TNS4: variants seen among roughly 807,000 people sequenced by gnomAD.
TNS4 encodes tensin 4.
In TNS4, 46 loss-of-function variants were observed where a neutral mutation model predicts 70.4. That is an observed-to-expected ratio of 0.65 (90% CI 0.52 to 0.84). The LOEUF (loss-of-function observed/expected upper bound fraction) is 0.84, where lower values mean the gene tolerates loss of function less well. Among genes scored for constraint, TNS4 ranks in the 40% least tolerant of loss-of-function variants. The pLI, the probability that TNS4 is intolerant of heterozygous loss-of-function variation, is 0.00. For missense variants in TNS4, 863 were observed against 907.0 expected, an observed-to-expected ratio of 0.95 and a Z score of 0.62; for synonymous variants, 390 against 366.6, an observed-to-expected ratio of 1.06 and a Z score of -0.73.
chr17:40,493,855 T>C (rs752315304), intron 2 of TNS4, among the ~76,000 whole-genome samples: 81 of 152,368 alleles, frequency 5.3e-4, no homozygotes, highest in Non-Finnish European at 1.1e-3. Flanking sequence ...GGGACTGGTT[T>C]TGCCCCAGCT....
intron 6 of TNS4, among the ~76,000 whole-genome samples, chr17:40,484,060 G>A (rs991811834): frequency 2.6e-5 from 4 of 152,200 alleles, no homozygotes; most frequent in South Asian, 2.1e-4. Flanking sequence ...AAGCATATAA[G>A]CTATCACACA....
chr17:40,481,625 C>G (rs574324464), intron 8 of TNS4, among the ~76,000 whole-genome samples: 1 of 152,208 alleles, frequency 6.6e-6, no homozygotes, highest in South Asian at 2.1e-4. Flanking sequence ...CTTGGCCTCC[C>G]GAAGTGCTGG....
intron 1 of TNS4, among the ~76,000 whole-genome samples, chr17:40,497,268 G>A (rs747523894): frequency 6.6e-6 from 1 of 152,172 alleles, no homozygotes. Context: ...AGGTAGCTGC[G>A]CAAGTTGAGT....
chr17:40,480,330 G>C (rs962879030), intron 9 of TNS4, among the ~76,000 whole-genome samples: 4 of 152,140 alleles, frequency 2.6e-5, no homozygotes, highest in Non-Finnish European at 5.9e-5. Flanking sequence ...CCTGGTGAAG[G>C]CTCCAGGACT....
intron 3 of TNS4, 81 bp downstream of exon 3, chr17:40,488,465 G>A: frequency 7.4e-7 from 1 of 1,350,216 alleles, no homozygotes; most frequent in African/African-American, 1.5e-5. Context: ...ACAGAGCAGG[G>A]TCCCTTTCAG....
chr17:40,486,532 ATTT>A (rs78348746), intron 4 of TNS4, among the ~76,000 whole-genome samples: 18 of 132,032 alleles, frequency 1.4e-4, no homozygotes, highest in South Asian at 5.1e-4. Context: ...GGCAAATTCC[ATTT>A]TTTTTTTTTT....
In TNS4 at chr17:40,480,741, TC is replaced by T; in HGVS notation, c.1699del (p.Asp567ThrfsTer21). On this transcript the variant is annotated frameshift_variant, in exon 9 of 13. Transcript: ENST00000254051. LOFTEE classifies it high-confidence loss of function. ...GCAGGAGGCTGGGCTGTCTGTAGAGTCCGAGGCCCCATCTGCACCTCCCAGT... is the reference window on the plus strand; with the variant it reads ...GCAGGAGGCTGGGCTGTCTGTAGAGTCGAGGCCCCATCTGCACCTCCCAGT... ...RELGGADGAS[D>X]STDSPASCQK... 1 of 1,598,916 alleles carries T rather than the reference TC, an allele frequency of 6.3e-7. No individual in the cohort carries two copies. The highest frequency in any genetic ancestry group is 1.1e-5 in the South Asian group (1 of 88,642).
chr17:40,477,280 G>A lies in TNS4; in HGVS notation c.*308C>T. 3.6e-6 allele frequency: 1 copy of A among 274,528 alleles called. No homozygotes were observed. Among genetic ancestry groups the A allele is most frequent in the Non-Finnish European group, 6.9e-6 (1 of 145,360 alleles). The allele number at this position is 274,528 out of a possible 1,614,324, so 17.0% of individuals were successfully genotyped here. On this transcript the variant is annotated 3_prime_UTR_variant, in exon 13 of 13. Transcript: ENST00000254051. The stretch of plus-strand genomic sequence containing the variant: ...TCCTTGGAGGTTATTTTCATGCAGG[G>A]GTCTTCAGAGGTGTGCATGCTTCAG...
rs1451024624 is a variant in TNS4 at position 40,484,995 on chromosome 17, TCCCTGGC to T, written c.1294_1300del (p.Ala432ThrfsTer6). The stretch of plus-strand genomic sequence containing the variant: ...CACGAACTTCATGGTGGGCTGCATG[TCCCTGGC>T]GGGACCTGGAGACAGACAGAGAAGG... On this transcript the variant is annotated frameshift_variant, in exon 5 of 13. Coordinates refer to ENST00000254051, the MANE Select transcript of TNS4 (RefSeq NM_032865.6). LOFTEE classifies it high-confidence loss of function. 6.2e-7 allele frequency: 1 copy of T among 1,614,052 alleles called. No homozygotes were observed. Among genetic ancestry groups the T allele is most frequent in the Non-Finnish European group, 8.5e-7 (1 of 1,180,038 alleles).
chr17:40,500,381 C>A, intron 1 of TNS4, among the ~76,000 whole-genome samples: 1 of 152,206 alleles, frequency 6.6e-6, no homozygotes, highest in East Asian at 1.9e-4. Context: ...CTGAATGCTG[C>A]CCCCTTCGCG....
intron 3 of TNS4, 44 bp downstream of exon 3, chr17:40,488,502 G>C: frequency 6.8e-7 from 1 of 1,460,518 alleles, no homozygotes; most frequent in South Asian, 1.6e-5. Flanking sequence ...ATGCGTGCGT[G>C]TGCCTGTGTG....
At chr17:40,484,318 G>C (rs1391357748) in intron 6 of TNS4, among the ~76,000 whole-genome samples, 166 bp downstream of exon 6, 1 of 152,136 alleles carries the variant, frequency 6.6e-6, no homozygotes, top group Non-Finnish European at 1.5e-5. Context: ...GGGTGCCTTG[G>C]GGCTGGAGGG....
intron 12 of TNS4, chr17:40,478,017 C>G (rs1409343124): frequency 6.7e-6 from 4 of 599,638 alleles, no homozygotes; most frequent in Non-Finnish European, 1.2e-5. Flanking sequence ...TCCCTGAGGG[C>G]AAGGATGCAT....
chr17:40,493,560 G>A (rs1437770750), intron 2 of TNS4, among the ~76,000 whole-genome samples: 1 of 152,180 alleles, frequency 6.6e-6, no homozygotes, highest in Non-Finnish European at 1.5e-5. Flanking sequence ...GAGCTCCCAG[G>A]CATTGCAGGT....
Position 40,479,703 on chromosome 17 carries a change from C to T in TNS4, c.1881G>A (p.Gln627=). The part of the protein sequence containing the change: ...PTVVHFKVTE[Q]GITLTDVQRK... ...TCTGGACATCAGTCAGAGTGATGCC[C>T]TGCTCTGTGACTTTGAAGTGGACCA... Residue 627 remains glutamine, a synonymous_variant, in exon 10 of 13, where the codon CAG becomes CAA. Coordinates refer to ENST00000254051, the MANE Select transcript of TNS4 (RefSeq NM_032865.6). 2 of 1,614,056 alleles carry T rather than the reference C, an allele frequency of 1.2e-6. No individual in the cohort carries two copies. The highest frequency in any genetic ancestry group is 1.7e-6 in the Non-Finnish European group (2 of 1,179,996).
rs1464073649 is a variant in TNS4, at chr17:40,482,176, G to A, written c.1625C>T (p.Ser542Phe). 7 of 1,614,100 alleles carry A rather than the reference G, an allele frequency of 4.3e-6. No homozygotes were observed. In the East Asian group the frequency reaches 6.7e-5, roughly 15 times the overall value. ...GSLSAFVCQH[S>F]IMALALPCKL... ...GCAGGGCAGGGCCAGGGCCATGATG[G>A]AATGCTGGCACACGAAGGCAGAGAG... The change falls in exon 8 of 13, where the codon TCC becomes TTC. Residue 542 changes from serine (S) to phenylalanine (F), a missense_variant. By Grantham distance (155) the Ser-to-Phe change is radical. Transcript: ENST00000254051.
chr17:40,496,958 T>C (rs190117065), intron 1 of TNS4, among the ~76,000 whole-genome samples: 18 of 152,270 alleles, frequency 1.2e-4, no homozygotes, highest in Admixed American at 5.9e-4. Flanking sequence ...AACAACTGTA[T>C]AAGGTAGGTA....
chr17:40,477,407 C>A lies in TNS4; in HGVS notation c.*181G>T. 1.5e-6 allele frequency: 1 copy of A among 678,908 alleles called. No homozygotes were observed. Among genetic ancestry groups the A allele is most frequent in the South Asian group, 2.4e-5 (1 of 41,970 alleles). The allele number at this position is 678,908 out of a possible 1,614,324, so 42.1% of individuals were successfully genotyped here. On this transcript the variant is annotated 3_prime_UTR_variant, in exon 13 of 13. Coordinates refer to ENST00000254051, the MANE Select transcript of TNS4 (RefSeq NM_032865.6). ...TTGAGGAAACTGAGGCCCGGGGGGT[C>A]TGGATGATGGTGACTGCTGAAGGCC...
chr17:40,491,941 G>T (rs2036074452), intron 2 of TNS4, among the ~76,000 whole-genome samples: 1 of 152,134 alleles, frequency 6.6e-6, no homozygotes, highest in Admixed American at 6.5e-5. Context: ...AAAGTGGGGG[G>T]CCTGTTCCAA....
Sources: gnomAD v4.1 joint callset for allele counts (sites outside exome capture counted in the v4.1 genomes callset) on GRCh38, gnomAD v4.1.1 for gene constraint, MANE v1.5 for transcripts, NCBI Gene and HGNC (gene_info 2026-07-23, HGNC 2026-07-21) for gene names.